The following TRAPPC11 variants were observed in gnomAD, a reference collection of about 807,000 sequenced individuals.
TRAPPC11 encodes foie gras homolog.
Under a neutral mutation model 151.2 loss-of-function variants are expected in TRAPPC11, and 104 were observed. That is an observed-to-expected ratio of 0.69 (90% CI 0.59 to 0.81). The LOEUF (loss-of-function observed/expected upper bound fraction) is 0.81, where lower values mean the gene tolerates loss of function less well. Ranked by LOEUF, TRAPPC11 falls within the 30% of genes least tolerant of loss-of-function variation. The pLI, the probability that TRAPPC11 is intolerant of heterozygous loss-of-function variation, is 0.00. For missense variants in TRAPPC11, 1,230 were observed against 1,349.6 expected (o/e 0.91, Z 1.39); for synonymous variants, 456 against 472.3 (o/e 0.97, Z 0.45).
intron 18 of TRAPPC11, among the ~76,000 whole-genome samples, chr4:183,687,647 G>A (rs945208514): frequency 1.3e-5 from 2 of 151,722 alleles, no homozygotes; most frequent in African/African-American, 4.8e-5. Context: ...TTTTTATAAT[G>A]TATACTTGAA....
intron 5 of TRAPPC11, 145 bp downstream of exon 5, chr4:183,668,262 C>CT: frequency 6.0e-6 from 3 of 497,600 alleles, no homozygotes; most frequent in Non-Finnish European, 7.0e-6. Context: ...AAATAAAAGT[C>CT]TTTTTTGTTA....
At chr4:183,669,556 T>G (rs185866288) in intron 5 of TRAPPC11, among the ~76,000 whole-genome samples, 1 of 152,360 alleles carries the variant, frequency 6.6e-6, no homozygotes, top group African/African-American at 2.4e-5. Context: ...ATTAGAAAGC[T>G]GTTGTCCTCT....
intron 1 of TRAPPC11, among the ~76,000 whole-genome samples, chr4:183,659,998 G>A (rs894121983): frequency 3.9e-5 from 6 of 152,098 alleles, no homozygotes; most frequent in African/African-American, 1.4e-4. Flanking sequence ...TACTTCCCTT[G>A]CATTACTTGA....
chr4:183,661,593 G>C (rs1281289657), intron 1 of TRAPPC11, among the ~76,000 whole-genome samples: 1 of 151,408 alleles, frequency 6.6e-6, no homozygotes, highest in Non-Finnish European at 1.5e-5. Flanking sequence ...GGATGGTCTC[G>C]ATCTCCTGAC....
In TRAPPC11 at chr4:183,702,330, C is replaced by T. The variant is rs567760475; in HGVS notation, c.2963+522C>T. ...CTGCACTCTAGCCTGGGCAACAGAGCGAGACCCTGTTTAAAAAAAAAAAAA... is the reference window on the plus strand; with the variant it reads ...CTGCACTCTAGCCTGGGCAACAGAGTGAGACCCTGTTTAAAAAAAAAAAAA... On this transcript the variant is annotated intron_variant, in intron 26 of 29. Transcript: ENST00000334690. Among the ~76,000 whole-genome samples, 4 of 142,084 alleles carry T rather than the reference C, an allele frequency of 2.8e-5. No individual in the cohort carries two copies. In the South Asian group the frequency reaches 8.7e-4, roughly 31 times the overall value. The allele number at this position is 142,084 out of a possible 152,430, so 93.2% of individuals were successfully genotyped here.
chr4:183,710,195 C>T (rs926299309), intron 29 of TRAPPC11, among the ~76,000 whole-genome samples: 3 of 152,164 alleles, frequency 2.0e-5, no homozygotes, highest in African/African-American at 7.2e-5. Flanking sequence ...CAAACCTAAT[C>T]CCAGCTAATG....
At chr4:183,668,294 C>G (rs1327656979) in intron 5 of TRAPPC11, among the ~76,000 whole-genome samples, 177 bp downstream of exon 5, 1 of 152,026 alleles carries the variant, frequency 6.6e-6, no homozygotes, top group East Asian at 1.9e-4. Context: ...CTCTCCAATT[C>G]CCTGAGGTAA....
At chr4:183,667,961 G>T in intron 4 of TRAPPC11, 42 bp from the exon 5 acceptor site, 1 of 1,232,900 alleles carries the variant, frequency 8.1e-7, no homozygotes. Flanking sequence ...AGCTACATTA[G>T]TTATTTTATT....
chr4:183,693,168 T>C (rs1245290685), intron 20 of TRAPPC11, 21 bp downstream of exon 20: 2 of 1,559,378 alleles, frequency 1.3e-6, no homozygotes, highest in Admixed American at 2.0e-5. Context: ...TTTGCTAAGC[T>C]GATATTAAAG....
rs780547887 is a variant in TRAPPC11 at position 183,666,361 on chromosome 4, G to A, written c.309G>A (p.Leu103=). 1.9e-6 allele frequency: 3 copies of A among 1,614,152 alleles called. No individual in the cohort carries two copies. The highest frequency in any genetic ancestry group is 1.6e-4 in the Middle Eastern group (1 of 6,062). ...VPALVVVFYE[L]DWDEPQWKEK... is the part of the protein sequence containing the mutation. Reference sequence around the variant, plus strand: ...CCCTGGTGGTTGTGTTCTATGAACTGGACTGGGATGAGCCTCAGTGGAAAG... The same window carrying A: ...CCCTGGTGGTTGTGTTCTATGAACTAGACTGGGATGAGCCTCAGTGGAAAG... Residue 103 remains leucine, a synonymous_variant, in exon 3 of 30, where the codon CTG becomes CTA. Transcript: ENST00000334690.
chr4:183,668,750 T>C (rs1437468798), intron 5 of TRAPPC11, among the ~76,000 whole-genome samples: 1 of 152,206 alleles, frequency 6.6e-6, no homozygotes, highest in Non-Finnish European at 1.5e-5. Context: ...CAACATTACC[T>C]CAAAAATCAT....
intron 3 of TRAPPC11, 44 bp downstream of exon 3, chr4:183,666,470 T>G: frequency 6.3e-7 from 1 of 1,585,510 alleles, no homozygotes; most frequent in Non-Finnish European, 8.6e-7. Flanking sequence ...TTTGCACATG[T>G]GTGTTATTCA....
chr4:183,660,449 G>T (rs866878238), intron 1 of TRAPPC11, among the ~76,000 whole-genome samples: 12 of 152,116 alleles, frequency 7.9e-5, no homozygotes, highest in Non-Finnish European at 1.5e-4. Flanking sequence ...TAATATTTTG[G>T]ACATACTGTA....
At chr4:183,705,344 C>T (rs1014051423) in intron 27 of TRAPPC11, among the ~76,000 whole-genome samples, 2 of 152,184 alleles carry the variant, frequency 1.3e-5, no homozygotes, top group East Asian at 3.8e-4. Flanking sequence ...GTACCATTAT[C>T]ACCTCTTTAA....
chr4:183,688,734 CGT>C (rs143398172), intron 18 of TRAPPC11, among the ~76,000 whole-genome samples: 7 of 150,564 alleles, frequency 4.6e-5, no homozygotes, highest in African/African-American at 1.2e-4. Flanking sequence ...AGTGTGTGTG[CGT>C]GTGTGTGTGT....
At chr4:183,660,028 C>T (rs1024005348) in intron 1 of TRAPPC11, among the ~76,000 whole-genome samples, 4 of 152,168 alleles carry the variant, frequency 2.6e-5, no homozygotes, top group African/African-American at 9.7e-5. Flanking sequence ...CATTATTCAC[C>T]TTCTATAGCT....
Position 183,684,288 on chromosome 4 carries a change from C to CT in TRAPPC11, c.1367-10dup, listed in dbSNP as rs1394202061. 1.2e-6 allele frequency: 2 copies of CT among 1,613,192 alleles called. No homozygotes were observed. The highest frequency in any genetic ancestry group is 2.2e-5 in the South Asian group (2 of 91,056). Reference sequence around the variant, plus strand: ...ATGACTTTAAGTTACATACATAAATCTTTTTTTCCTTTATAGTGGTTCAGA... The same window carrying CT: ...ATGACTTTAAGTTACATACATAAATCTTTTTTTTCCTTTATAGTGGTTCAGA... On this transcript the variant is annotated splice_polypyrimidine_tract_variant and intron_variant, in intron 13 of 29. Coordinates refer to ENST00000334690, the MANE Select transcript of TRAPPC11 (RefSeq NM_021942.6).
At chr4:183,663,257 A>G (rs1417287844) in intron 1 of TRAPPC11, among the ~76,000 whole-genome samples, 2 of 151,926 alleles carry the variant, frequency 1.3e-5, no homozygotes, top group East Asian at 3.9e-4. Context: ...TTTTTGAGAC[A>G]GAGTCTCCCT....
chr4:183,668,537 T>C (rs1371049158), intron 5 of TRAPPC11, among the ~76,000 whole-genome samples: 1 of 150,088 alleles, frequency 6.7e-6, no homozygotes, highest in East Asian at 2.0e-4. Context: ...TCCATTATAC[T>C]TTCCAGTAAT....
Sources: allele counts gnomAD v4.1 joint callset (sites outside exome capture counted in the v4.1 genomes callset), GRCh38; gene constraint gnomAD v4.1.1; transcripts MANE v1.5; gene names NCBI Gene and HGNC (gene_info 2026-07-23, HGNC 2026-07-21).